The following LGR5 variants were observed in gnomAD, a reference collection of about 807,000 sequenced individuals.
The protein encoded by LGR5 is leucine-rich repeat-containing G protein-coupled receptor 5.
Under a neutral mutation model 76.7 loss-of-function variants are expected in LGR5, and 54 were observed. The observed-to-expected ratio is 0.70, with a 90% confidence interval of 0.57 to 0.88. LGR5 has a LOEUF of 0.88. LGR5 is among the 40% of genes least tolerant of loss of function. The probability of loss-of-function intolerance (pLI) is 0.00; values close to 1 mark genes in which losing one functional copy is unlikely to be tolerated. For missense variants in LGR5, 1,078 were observed against 1,073.3 expected (o/e 1.00, Z -0.06); for synonymous variants, 406 against 421.9 (o/e 0.96, Z 0.46).
At chr12:71,570,319 T>A (rs940573146) in intron 11 of LGR5, among the ~76,000 whole-genome samples, 11 of 152,098 alleles carry the variant, frequency 7.2e-5, no homozygotes, top group African/African-American at 2.2e-4. Context: ...TTTAAAAAAA[T>A]AAAATAATTT....
At chr12:71,449,097 T>C (rs1592451330) in intron 1 of LGR5, among the ~76,000 whole-genome samples, 1 of 152,368 alleles carries the variant, frequency 6.6e-6, no homozygotes, top group East Asian at 1.9e-4. Flanking sequence ...ACGCTTCTCC[T>C]GTGTCTCTCT....
Position 71,583,701 on chromosome 12 carries a change from T to A in LGR5, c.1691T>A (p.Val564Glu). The A allele has an allele frequency of 4.3e-6, 7 of 1,613,968 alleles. No individual in the cohort carries two copies. Among genetic ancestry groups the A allele is most frequent in the Non-Finnish European group, 5.9e-6 (7 of 1,179,984 alleles). Residue 564 changes from valine (V) to glutamate (E), a missense_variant, in exon 18 of 18, where the codon GTG becomes GAG. Transcript: ENST00000266674. ...GATGGCTGGCTGATCAGAATTGGAG[T>A]GTGGACCATAGCAGTTCTGGCACTT... is the stretch of plus-strand genomic sequence containing the variant. Reference protein sequence around the residue: ...LLDGWLIRIGVWTIAVLALTC... With the variant: ...LLDGWLIRIGEWTIAVLALTC...
rs117029659 is a variant in LGR5 at position 71,509,424 on chromosome 12, T to C, written c.284+4739T>C. On this transcript the variant is annotated intron_variant, in intron 2 of 17. Transcript: ENST00000266674. Reference sequence around the variant, plus strand: ...GAAAAACTGTTTCCAATTCTGAGCTTTAATGGATATAGGCAACGATTGCAG... The same window carrying C: ...GAAAAACTGTTTCCAATTCTGAGCTCTAATGGATATAGGCAACGATTGCAG... Among the ~76,000 whole-genome samples the C allele has an allele frequency of 5.8e-4, 89 of 152,338 alleles. No homozygotes were observed. The East Asian group carries it at 0.014, about 24-fold the overall frequency.
intron 4 of LGR5, among the ~76,000 whole-genome samples, chr12:71,539,129 TCTTA>T (rs1412619172): frequency 6.6e-6 from 1 of 152,148 alleles, no homozygotes; most frequent in Non-Finnish European, 1.5e-5. Context: ...CTCAGCTCTG[TCTTA>T]CTTAAAAAAA....
At chr12:71,542,511 G>T (rs1565737068) in intron 4 of LGR5, among the ~76,000 whole-genome samples, 1 of 152,176 alleles carries the variant, frequency 6.6e-6, no homozygotes, top group Non-Finnish European at 1.5e-5. Flanking sequence ...ACTCAGATCT[G>T]TGTCATTGCA....
chr12:71,584,164 G>A lies in LGR5; in HGVS notation c.2154G>A (p.Gly718=), dbSNP rs766231835. 1 of 1,614,122 alleles carries A rather than the reference G, an allele frequency of 6.2e-7. No homozygotes were observed. The highest frequency in any genetic ancestry group is 8.5e-7 in the Non-Finnish European group (1 of 1,180,030). ...CTCTCTGCCTGCCTTTGCCTTTTGG[G>A]GAGCCCAGCACCATGGGCTACATGG... The part of the protein sequence containing the change: ...ASPLCLPLPF[G]EPSTMGYMVA... Residue 718 remains glycine (G), a synonymous_variant, in exon 18 of 18, where the codon GGG becomes GGA. Transcript: ENST00000266674.
chr12:71,517,526 A>G (rs1198005005), intron 2 of LGR5, among the ~76,000 whole-genome samples: 1 of 152,232 alleles, frequency 6.6e-6, no homozygotes, highest in Non-Finnish European at 1.5e-5. Context: ...CTTCATTTCC[A>G]AAGTCACTGT....
intron 13 of LGR5, among the ~76,000 whole-genome samples, chr12:71,573,261 C>T (rs768231389): frequency 1.3e-5 from 2 of 152,102 alleles, no homozygotes; most frequent in Non-Finnish European, 2.9e-5. Flanking sequence ...ATTCTATCTG[C>T]CTGCTTTTTT....
Position 71,578,016 on chromosome 12 carries a change from T to C in LGR5, c.1280+20T>C, listed in dbSNP as rs747174150. 6.4e-7 allele frequency: 1 copy of C among 1,552,856 alleles called. No homozygotes were observed. The highest frequency in any genetic ancestry group is 2.2e-5 in the East Asian group (1 of 44,588). ...AAAGCTGTGAGTATTCCACAACTTGTTTATGGTATGTCTCTTAATAATTGA... is the reference window on the plus strand; with the variant it reads ...AAAGCTGTGAGTATTCCACAACTTGCTTATGGTATGTCTCTTAATAATTGA... On this transcript the variant is annotated intron_variant, in intron 14 of 17. Coordinates refer to ENST00000266674, the MANE Select transcript of LGR5 (RefSeq NM_003667.4).
chr12:71,530,294 T>TAGGA (rs1399989403), intron 3 of LGR5, among the ~76,000 whole-genome samples: 3 of 152,194 alleles, frequency 2.0e-5, no homozygotes, highest in African/African-American at 7.2e-5. Flanking sequence ...AAGATAGTCC[T>TAGGA]GTCCCCTACT....
At chr12:71,513,166 G>GA (rs1789794796) in intron 2 of LGR5, among the ~76,000 whole-genome samples, 1 of 151,970 alleles carries the variant, frequency 6.6e-6, no homozygotes, top group African/African-American at 2.4e-5. Context: ...AAGCAGAGCA[G>GA]AAAAAAAGAA....
chr12:71,459,700 G>C (rs1872615871), intron 1 of LGR5, among the ~76,000 whole-genome samples: 1 of 152,094 alleles, frequency 6.6e-6, no homozygotes, highest in East Asian at 1.9e-4. Flanking sequence ...AACAAAAGTA[G>C]TGTAGTGGTT....
intron 1 of LGR5, chr12:71,448,582 A>C (rs1286187739): frequency 1.3e-5 from 2 of 152,238 alleles, no homozygotes; most frequent in African/African-American, 4.8e-5. Flanking sequence ...CACTTACTTG[A>C]AGGAACTCTG....
intron 11 of LGR5, among the ~76,000 whole-genome samples, chr12:71,570,420 A>G (rs1878553527): frequency 6.6e-6 from 1 of 152,214 alleles, no homozygotes; most frequent in Non-Finnish European, 1.5e-5. Flanking sequence ...TGTTCCCTCT[A>G]TTAAGAGGTA....
At chr12:71,537,190 A>AAC (rs1248261745) in intron 4 of LGR5, among the ~76,000 whole-genome samples, 1 of 151,342 alleles carries the variant, frequency 6.6e-6, no homozygotes, top group African/African-American at 2.4e-5. Flanking sequence ...TGTCAAAAAA[A>AAC]AAAAAAAAAG....
intron 11 of LGR5, chr12:71,571,312 A>T: frequency 2.3e-6 from 1 of 434,940 alleles, no homozygotes; most frequent in South Asian, 5.7e-5. Context: ...AAAGAAGTAT[A>T]ACAGTTACAT....
chr12:71,439,429 G>T (rs148552522), upstream of LGR5, among the ~76,000 whole-genome samples: 7 of 152,104 alleles, frequency 4.6e-5, no homozygotes, highest in Non-Finnish European at 8.8e-5. Flanking sequence ...CGGAGGAAAC[G>T]TGCCGCATCC....
intron 1 of LGR5, among the ~76,000 whole-genome samples, chr12:71,485,612 C>G (rs1873790809): frequency 6.6e-6 from 1 of 151,976 alleles, no homozygotes. Context: ...CACCAGTACT[C>G]CCAGCTACTG....
intron 1 of LGR5, among the ~76,000 whole-genome samples, chr12:71,457,223 A>T (rs989752857): frequency 1.3e-5 from 2 of 152,196 alleles, no homozygotes; most frequent in African/African-American, 4.8e-5. Flanking sequence ...TCCAAGCCGC[A>T]GTCCCTGTTG....
Sources: gnomAD v4.1 joint callset for allele counts (sites outside exome capture counted in the v4.1 genomes callset) on GRCh38, gnomAD v4.1.1 for gene constraint, MANE v1.5 for transcripts, NCBI Gene and HGNC (gene_info 2026-07-23, HGNC 2026-07-21) for gene names.